Variants in SGCZ observed in about 807,000 individuals in gnomAD.
SGCZ encodes zeta-sarcoglycan.
SGCZ carries 40 observed loss-of-function variants against 41.3 expected under a neutral mutation model. The observed-to-expected ratio is 0.97, with a 90% CI of 0.75 to 1.26. The LOEUF (loss-of-function observed/expected upper bound fraction) is 1.26. Among genes scored for constraint, SGCZ ranks in the 50% most tolerant of loss-of-function variants. The pLI, the probability that SGCZ is intolerant of heterozygous loss-of-function variation, is 0.00. For missense variants in SGCZ, 552 were observed against 369.8 expected, an observed-to-expected ratio of 1.49 and a Z score of -4.04; for synonymous variants, 206 against 137.5, an observed-to-expected ratio of 1.50 and a Z score of -3.49.
intron 4 of SGCZ, among the ~76,000 whole-genome samples, chr8:14,193,488 A>G (rs1257828166): frequency 6.6e-6 from 1 of 152,102 alleles, no homozygotes; most frequent in Non-Finnish European, 1.5e-5. Context: ...TACACCCATC[A>G]TAAACATATA....
intron 1 of SGCZ, among the ~76,000 whole-genome samples, chr8:14,958,640 AATACTAGTTGTGTGCATTTGC>A (rs1368129038): frequency 1.3e-5 from 2 of 152,150 alleles, no homozygotes; most frequent in African/African-American, 4.8e-5. Flanking sequence ...GAGTTTGAGT[AATACTAGTTGTGTGCATTTGC>A]ACAAACTCAG....
intron 3 of SGCZ, among the ~76,000 whole-genome samples, chr8:14,266,334 A>G (rs971159056): frequency 5.3e-5 from 8 of 152,136 alleles, no homozygotes; most frequent in Admixed American, 1.3e-4. Flanking sequence ...GACATTAATG[A>G]AATACATTGG....
intron 2 of SGCZ, among the ~76,000 whole-genome samples, chr8:14,362,493 C>T (rs1174046691): frequency 3.3e-5 from 5 of 151,986 alleles, no homozygotes; most frequent in African/African-American, 1.2e-4. Flanking sequence ...GGCGTGGGAC[C>T]CAAAAGCCAG....
intron 2 of SGCZ, among the ~76,000 whole-genome samples, chr8:14,398,382 C>A (rs1423081932): frequency 5.3e-5 from 8 of 152,094 alleles, no homozygotes; most frequent in Admixed American, 5.2e-4. Flanking sequence ...AGCATCCTTT[C>A]CTCCTAGATG....
At chr8:14,292,159 C>A (rs572278525) in intron 3 of SGCZ, among the ~76,000 whole-genome samples, 1 of 151,924 alleles carries the variant, frequency 6.6e-6, no homozygotes, top group African/African-American at 2.4e-5. Context: ...TTATTAAGTA[C>A]GAACTAGGAG....
intron 1 of SGCZ, among the ~76,000 whole-genome samples, chr8:15,017,802 G>A (rs1803095842): frequency 6.6e-6 from 1 of 152,126 alleles, no homozygotes; most frequent in Admixed American, 6.5e-5. Context: ...CGTGGTGCCT[G>A]GCCATCATCA....
intron 1 of SGCZ, among the ~76,000 whole-genome samples, chr8:15,234,845 A>T (rs1467599224): frequency 6.6e-6 from 1 of 152,220 alleles, no homozygotes; most frequent in Non-Finnish European, 1.5e-5. Context: ...TTCTTTCTTA[A>T]AACCTGAGGT....
chr8:14,181,641 G>C (rs1269270893), intron 4 of SGCZ, among the ~76,000 whole-genome samples: 2 of 152,200 alleles, frequency 1.3e-5, no homozygotes, highest in African/African-American at 4.8e-5. Flanking sequence ...TCATGGTAGT[G>C]AATGAGTCTC....
At chr8:14,322,599 A>G (rs1585361951) in intron 3 of SGCZ, among the ~76,000 whole-genome samples, 1 of 152,108 alleles carries the variant, frequency 6.6e-6, no homozygotes, top group Non-Finnish European at 1.5e-5. Context: ...GGGTTTCACA[A>G]TCATTAAAAT....
At chr8:14,717,217 A>G (rs1002089453) in intron 1 of SGCZ, among the ~76,000 whole-genome samples, 4 of 152,130 alleles carry the variant, frequency 2.6e-5, no homozygotes, top group Non-Finnish European at 4.4e-5. Flanking sequence ...ATTCAATACC[A>G]TCAATAATTA....
chr8:14,914,239 TATAG>T (rs199933240), intron 1 of SGCZ, among the ~76,000 whole-genome samples: 7,219 of 143,386 alleles, frequency 0.05, 211 homozygotes, highest in South Asian at 0.077. Context: ...CGTATATATA[TATAG>T]AGAGTGTGTA....
intron 3 of SGCZ, among the ~76,000 whole-genome samples, chr8:14,293,471 CAT>C (rs1337153453): frequency 2.0e-5 from 3 of 152,078 alleles, no homozygotes; most frequent in African/African-American, 7.2e-5. Context: ...TTCCCATTAA[CAT>C]ATAGCATTAC....
At chr8:14,831,837 T>G (rs1279832534) in intron 1 of SGCZ, among the ~76,000 whole-genome samples, 1 of 152,198 alleles carries the variant, frequency 6.6e-6, no homozygotes, top group Admixed American at 6.5e-5. Context: ...TATATATGTG[T>G]GCACATACAT....
At chr8:14,837,849 C>T (rs1277731665) in intron 1 of SGCZ, among the ~76,000 whole-genome samples, 1 of 151,992 alleles carries the variant, frequency 6.6e-6, no homozygotes, top group Non-Finnish European at 1.5e-5. Context: ...TATTTTGATA[C>T]AATGTATAAT....
At chr8:15,093,772 C>A (rs1432362866) in intron 1 of SGCZ, among the ~76,000 whole-genome samples, 1 of 152,140 alleles carries the variant, frequency 6.6e-6, no homozygotes, top group Non-Finnish European at 1.5e-5. Flanking sequence ...ATTTAAGTTA[C>A]AAAATTGACA....
intron 1 of SGCZ, among the ~76,000 whole-genome samples, chr8:14,711,887 C>A (rs997977022): frequency 2.6e-5 from 4 of 152,134 alleles, no homozygotes; most frequent in African/African-American, 9.7e-5. Flanking sequence ...AGCCAATATA[C>A]TGAGGCAACT....
At chr8:15,217,687 A>C (rs570735867) in intron 1 of SGCZ, among the ~76,000 whole-genome samples, 1 of 152,326 alleles carries the variant, frequency 6.6e-6, no homozygotes, top group Admixed American at 6.5e-5. Context: ...GCATTTTGAA[A>C]TATTAGCATA....
chr8:14,476,908 A>C (rs1801378104), intron 2 of SGCZ, among the ~76,000 whole-genome samples: 1 of 152,152 alleles, frequency 6.6e-6, no homozygotes, highest in African/African-American at 2.4e-5. Flanking sequence ...ACTCTAAACC[A>C]AACTATTACA....
At chr8:14,223,539 T>C (rs892972710) in intron 4 of SGCZ, among the ~76,000 whole-genome samples, 1 of 87,904 alleles carries the variant, frequency 1.1e-5, no homozygotes, top group African/African-American at 4.7e-5. Flanking sequence ...TAGACCAATA[T>C]ATATATATAT....
Sources: gnomAD v4.1 joint callset for allele counts (sites outside exome capture counted in the v4.1 genomes callset) on GRCh38, gnomAD v4.1.1 for gene constraint, MANE v1.5 for transcripts, NCBI Gene and HGNC (gene_info 2026-07-23, HGNC 2026-07-21) for gene names.